The following ALDH1A3 variants were observed in gnomAD, a reference collection of about 807,000 sequenced individuals.
ALDH1A3 encodes retinaldehyde dehydrogenase 3.
A neutral mutation model predicts 57.5 loss-of-function variants in ALDH1A3; 28 were observed. The observed-to-expected ratio is 0.49, with a 90% CI of 0.36 to 0.67. The LOEUF is 0.67. Among genes scored for constraint, ALDH1A3 ranks in the 30% least tolerant of loss-of-function variants. ALDH1A3 has a pLI of 0.00. For missense variants in ALDH1A3, 507 were observed against 669.4 expected (o/e 0.76, Z 2.68); for synonymous variants, 281 against 264.8 (o/e 1.06, Z -0.59).
chr15:100,888,121 C>T (rs1324065673), intron 3 of ALDH1A3, among the ~76,000 whole-genome samples: 3 of 151,954 alleles, frequency 2.0e-5, no homozygotes, highest in Non-Finnish European at 4.4e-5. Context: ...TTTTTTGAGA[C>T]AGAGTCTCCC....
In ALDH1A3 at chr15:100,893,962, C is replaced by G. The variant is rs774058525; in HGVS notation, c.546C>G (p.Phe182Leu). The change falls in exon 6 of 13, where the codon TTC becomes TTG. Residue 182 changes from phenylalanine (F) to leucine (L), a missense_variant. Phe to Leu is a conservative substitution (Grantham distance 22, BLOSUM62 0). This residue lies in a region of ALDH1A3 where 432 missense variants were observed against 608.4 expected (regional missense o/e 0.71). Transcript: ENST00000329841. This position sits in a 1 kb window ranked among gnomAD's most constrained non-coding sequence, Gnocchi z 4.8. ...GVCGAITPWN[F>L]PLLMLVWKLA... is the part of the protein sequence containing the mutation. ...CCTGTGCTCTGTCGCAGTGGAACTT[C>G]CCCCTGCTGATGCTGGTGTGGAAGC... is the stretch of plus-strand genomic sequence containing the variant. 6.2e-7 allele frequency: 1 copy of G among 1,614,112 alleles called. No individual in the cohort carries two copies. Among genetic ancestry groups the G allele is most frequent in the Non-Finnish European group, 8.5e-7 (1 of 1,179,982 alleles).
At position 100,894,637 on chromosome 15, in the gene ALDH1A3, T is replaced by C. The variant is rs1184122285; in HGVS notation, c.666+555T>C. ...CTTTAGTCATTCCATCCCCAGGTTG[T>C]ATGGAGCAAAGATTTAGAGAAAGCA... On this transcript the variant is annotated intron_variant, in intron 6 of 12. Transcript: ENST00000329841. This position sits in a 1 kb window ranked among gnomAD's most constrained non-coding sequence, Gnocchi z 4.5. 6.5e-6 allele frequency: 1 copy of C among 153,242 alleles called. No homozygotes were observed. Among genetic ancestry groups the C allele is most frequent in the Non-Finnish European group, 1.5e-5 (1 of 68,778 alleles). 9.5% of individuals were successfully genotyped at this position (153,242 alleles called of 1,614,324 possible).
chr15:100,915,662 C>T lies in ALDH1A3; in HGVS notation c.*889C>T, dbSNP rs767305280. The T allele has an allele frequency of 9.9e-5, 15 of 152,220 alleles. No individual in the cohort carries two copies. Among genetic ancestry groups the T allele is most frequent in the Non-Finnish European group, 1.8e-4 (12 of 68,042 alleles). 9.4% of individuals were successfully genotyped at this position (152,220 alleles called of 1,614,324 possible). On this transcript the variant is annotated 3_prime_UTR_variant, in exon 13 of 13. Coordinates refer to ENST00000329841, the MANE Select transcript of ALDH1A3 (RefSeq NM_000693.4). Reference sequence around the variant, plus strand: ...TTTAACAAATTACGCATTTCTATCACGTTCACTAACAGCTTATGATAAGTC... The same window carrying T: ...TTTAACAAATTACGCATTTCTATCATGTTCACTAACAGCTTATGATAAGTC...
In ALDH1A3 at chr15:100,899,351, G is replaced by A. The variant is rs78072245; in HGVS notation, c.883+1166G>A. On this transcript the variant is annotated intron_variant, in intron 8 of 12. Transcript: ENST00000329841. Reference sequence around the variant, plus strand: ...TCCTGTTTTGCTTTCCTGTGCCACCGTATCTGGATACGCCACCTGCACTGA... The same window carrying A: ...TCCTGTTTTGCTTTCCTGTGCCACCATATCTGGATACGCCACCTGCACTGA... 3.3e-3 allele frequency among the ~76,000 whole-genome samples: 504 copies of A among 152,314 alleles called. 11 individuals are homozygous for A. Among genetic ancestry groups the A allele is most frequent in the East Asian group, 0.026 (136 of 5,184 alleles).
At chr15:100,892,177 T>G (rs182238279) in intron 3 of ALDH1A3, 1 of 299,610 alleles carries the variant, frequency 3.3e-6, no homozygotes, top group Non-Finnish European at 6.2e-6. Context: ...GTGCTACAGA[T>G]GGAAGATCAG....
At chr15:100,902,513 C>CG (rs1330853948) in intron 9 of ALDH1A3, among the ~76,000 whole-genome samples, 13 of 152,336 alleles carry the variant, frequency 8.5e-5, no homozygotes, top group Admixed American at 1.3e-4. Flanking sequence ...GCCGGGCTAG[C>CG]GCTCACAGGA....
At chr15:100,910,897 T>G (rs985038692) in intron 12 of ALDH1A3, among the ~76,000 whole-genome samples, 5 of 152,160 alleles carry the variant, frequency 3.3e-5, no homozygotes, top group Non-Finnish European at 7.4e-5. Context: ...GTGTACTGCT[T>G]TGCACTGGTG....
rs191803850 is a variant in ALDH1A3 at position 100,881,728 on chromosome 15, G to C, written c.99+1722G>C. ...TGAGGCTGAGGGAAGCTGGTGGATC[G>C]GCCTGGAGTGCTGGGATCTTGAGTG... On this transcript the variant is annotated intron_variant, in intron 1 of 12. Coordinates refer to ENST00000329841, the MANE Select transcript of ALDH1A3 (RefSeq NM_000693.4). Among the ~76,000 whole-genome samples, 734 of 152,248 alleles carry C rather than the reference G, an allele frequency of 4.8e-3. 1 individual carries two copies. Among genetic ancestry groups the C allele is most frequent in the Non-Finnish European group, 7.9e-3 (537 of 68,016 alleles).
chr15:100,901,937 A>T (rs535062023), intron 9 of ALDH1A3, among the ~76,000 whole-genome samples: 1 of 152,330 alleles, frequency 6.6e-6, no homozygotes, highest in East Asian at 1.9e-4. Context: ...CTTGTGGCTA[A>T]CATTCCTTCT....
intron 9 of ALDH1A3, among the ~76,000 whole-genome samples, chr15:100,902,436 G>A (rs933452144): frequency 6.6e-6 from 1 of 152,212 alleles, no homozygotes; most frequent in Non-Finnish European, 1.5e-5. Context: ...AGGACTTACA[G>A]CTGTCTAAAT....
chr15:100,904,783 A>C (rs2041806126), intron 9 of ALDH1A3, among the ~76,000 whole-genome samples: 1 of 152,228 alleles, frequency 6.6e-6, no homozygotes, highest in African/African-American at 2.4e-5. Context: ...GGAGACGTCT[A>C]GACAAGATAG....
At chr15:100,911,246 T>G (rs2041880333) in intron 12 of ALDH1A3, among the ~76,000 whole-genome samples, 2 of 152,232 alleles carry the variant, frequency 1.3e-5, no homozygotes, top group African/African-American at 4.8e-5. Flanking sequence ...GTGCGGGGGA[T>G]TCCATGGTTT....
intron 12 of ALDH1A3, among the ~76,000 whole-genome samples, chr15:100,911,877 T>C (rs2041886183): frequency 6.6e-6 from 1 of 152,262 alleles, no homozygotes; most frequent in Non-Finnish European, 1.5e-5. Flanking sequence ...TTCATCACTT[T>C]GTTTGCGTTT....
chr15:100,902,158 T>C (rs1050793179), intron 9 of ALDH1A3, among the ~76,000 whole-genome samples: 2 of 152,238 alleles, frequency 1.3e-5, no homozygotes, highest in South Asian at 4.1e-4. Context: ...CCGTCGTTAT[T>C]TGTAAGTCTC....
chr15:100,915,050 G>A lies in ALDH1A3; in HGVS notation c.*277G>A, dbSNP rs1004668586. The A allele has an allele frequency of 6.8e-6, 3 of 440,674 alleles. No individual in the cohort carries two copies. Among genetic ancestry groups the A allele is most frequent in the Non-Finnish European group, 4.2e-6 (1 of 239,036 alleles). The allele number at this position is 440,674 out of a possible 1,614,324, so 27.3% of individuals were successfully genotyped here. ...CTTTAAACCAGATCCTGGAGACAGT[G>A]AGATACTCAGGGCGTTGTTAACAGG... On this transcript the variant is annotated 3_prime_UTR_variant, in exon 13 of 13. Transcript: ENST00000329841.
chr15:100,884,183 A>G lies in ALDH1A3; in HGVS notation c.100-1084A>G, dbSNP rs1038111861. On this transcript the variant is annotated intron_variant, in intron 1 of 12. Transcript: ENST00000329841. ...GAGTTTGTGTGTCTTCTGGCTGGGC[A>G]GCCGGGGACCTCCGTGCTGTCGGAA... Among the ~76,000 whole-genome samples, 7 of 152,210 alleles carry G rather than the reference A, an allele frequency of 4.6e-5. No homozygotes were observed. In the South Asian group the frequency reaches 1.2e-3, roughly 27 times the overall value.
chr15:100,895,953 G>A lies in ALDH1A3; in HGVS notation c.687G>A (p.Val229=). 3 of 1,613,462 alleles carry A rather than the reference G, an allele frequency of 1.9e-6. No individual in the cohort carries two copies. The highest frequency in any genetic ancestry group is 2.5e-6 in the Non-Finnish European group (3 of 1,179,732). ...LIKEAGFPPG[V]VNIVPGFGPT... The stretch of plus-strand genomic sequence containing the variant: ...CCCAGGCCGGGTTCCCTCCAGGAGT[G>A]GTGAACATTGTGCCAGGATTCGGGC... The change falls in exon 7 of 13, where the codon GTG becomes GTA. Residue 229 remains valine (V), a synonymous_variant. Coordinates refer to ENST00000329841, the MANE Select transcript of ALDH1A3 (RefSeq NM_000693.4).
intron 10 of ALDH1A3, among the ~76,000 whole-genome samples, chr15:100,905,941 C>A (rs2141568969): frequency 6.6e-6 from 1 of 152,256 alleles, no homozygotes; most frequent in Non-Finnish European, 1.5e-5. Flanking sequence ...CTAGTTTTCA[C>A]TCATGGCTCA....
chr15:100,908,693 C>T (rs1035741560), intron 12 of ALDH1A3, among the ~76,000 whole-genome samples: 6 of 152,212 alleles, frequency 3.9e-5, no homozygotes, highest in Admixed American at 1.3e-4. Context: ...GCCTGCCCCC[C>T]TCCAGGCCTC....
Sources: gnomAD v4.1 joint callset for allele counts (sites outside exome capture counted in the v4.1 genomes callset) on GRCh38, gnomAD v4.1.1 for gene constraint, gnomAD v4.1.1 regional missense constraint, Gnocchi (gnomAD v3.1) non-coding constraint, MANE v1.5 for transcripts, NCBI Gene and HGNC (gene_info 2026-07-23, HGNC 2026-07-21) for gene names.